The following SP110 variants were observed in gnomAD, a reference collection of about 807,000 sequenced individuals.
The protein encoded by SP110 is interferon-induced protein 41, 30kD.
In SP110, 62 loss-of-function variants were observed where a neutral mutation model predicts 92.7. The observed-to-expected ratio is 0.67, with a 90% CI of 0.55 to 0.83. SP110 has a LOEUF of 0.83. SP110 is among the 40% of genes least tolerant of loss of function. The pLI is 0.00. For synonymous variants in SP110, 273 were observed against 305.3 expected, an observed-to-expected ratio of 0.89 and a Z score of 1.10; for missense variants, 793 against 863.9, an observed-to-expected ratio of 0.92 and a Z score of 1.03.
At chr2:230,183,677 CAT>C (rs1286894785) in intron 11 of SP110, 37 bp from the exon 12 acceptor site, 1 of 1,257,924 alleles carries the variant, frequency 7.9e-7, no homozygotes, top group Admixed American at 1.7e-5. Context: ...TAGCTACAAA[CAT>C]AGATTTATAA....
At chr2:230,198,358 C>T (rs981014765) in intron 10 of SP110, among the ~76,000 whole-genome samples, 2 of 152,110 alleles carry the variant, frequency 1.3e-5, no homozygotes, top group African/African-American at 4.8e-5. Context: ...ATGGAGCTTT[C>T]CAAGTGTCTG....
intron 10 of SP110, among the ~76,000 whole-genome samples, chr2:230,186,455 A>G (rs2042364200): frequency 6.6e-6 from 1 of 152,204 alleles, no homozygotes; most frequent in Admixed American, 6.5e-5. Context: ...CTGCTGAATG[A>G]ATGTTTAATA....
chr2:230,215,135 A>G lies in SP110; in HGVS notation c.148-17T>C, dbSNP rs1240155263. On this transcript the variant is annotated splice_polypyrimidine_tract_variant and intron_variant, in intron 2 of 18. Coordinates refer to ENST00000258381, the MANE Select transcript of SP110 (RefSeq NM_080424.4). ...CAGAGATTCCTATAAAAATGGAGTGAAGGTTTTTATAAATGACTATAAAAT... is the reference window on the plus strand; with the variant it reads ...CAGAGATTCCTATAAAAATGGAGTGGAGGTTTTTATAAATGACTATAAAAT... The G allele has an allele frequency of 1.9e-6, 3 of 1,604,926 alleles. No individual in the cohort carries two copies. The Admixed American group carries it at 5.0e-5, about 27-fold the overall frequency.
chr2:230,188,091 T>C (rs1482903266), intron 10 of SP110, among the ~76,000 whole-genome samples: 1 of 152,212 alleles, frequency 6.6e-6, no homozygotes, highest in Non-Finnish European at 1.5e-5. Flanking sequence ...AGTGTGATCA[T>C]TTTCATATTG....
At chr2:230,171,503 G>C in intron 17 of SP110, 193 bp downstream of exon 17, 1 of 632,620 alleles carries the variant, frequency 1.6e-6, no homozygotes, top group East Asian at 2.8e-5. Flanking sequence ...CCCGTGAGCA[G>C]TGGGGTGGAG....
rs542467646 is a variant in SP110 at position 230,203,182 on chromosome 2, TGA to T, written c.899-456_899-455del. ...GCAAAGTGCAAGGTATTAAAAAAAC[TGA>T]GAGGGAAGGACCCTGCCAAGAAGGC... is the stretch of plus-strand genomic sequence containing the variant. On this transcript the variant is annotated intron_variant, in intron 8 of 18. Coordinates refer to ENST00000258381, the MANE Select transcript of SP110 (RefSeq NM_080424.4). The T allele has an allele frequency of 2.0e-3, 378 of 189,564 alleles. 1 individual carries two copies. Among genetic ancestry groups the T allele is most frequent in the African/African-American group, 8.0e-3 (340 of 42,346 alleles). The allele number at this position is 189,564 out of a possible 1,614,324, so 11.7% of individuals were successfully genotyped here. A position where few individuals can be genotyped will look rare whatever the true frequency, so the allele number is the denominator to read the frequency against.
chr2:230,195,084 G>T (rs1428847194), intron 10 of SP110, among the ~76,000 whole-genome samples: 1 of 151,446 alleles, frequency 6.6e-6, no homozygotes, highest in African/African-American at 2.4e-5. Context: ...TTTGAACTTG[G>T]CCATATTCTT....
chr2:230,221,833 AG>A (rs2045845372), upstream of SP110: 1 of 1,059,966 alleles, frequency 9.4e-7, no homozygotes, highest in Non-Finnish European at 1.4e-6. Context: ...ACAAAAGTAA[AG>A]CAGGAGTGGG....
chr2:230,207,502 C>T (rs1402668434), intron 8 of SP110, among the ~76,000 whole-genome samples: 1 of 152,164 alleles, frequency 6.6e-6, no homozygotes, highest in Non-Finnish European at 1.5e-5. Context: ...GCATAGATGG[C>T]TAGCAGAAAC....
chr2:230,179,493 A>AGGGGGGGGGGGGGG (rs2042028994), intron 12 of SP110, among the ~76,000 whole-genome samples: 2 of 27,240 alleles, frequency 7.3e-5, no homozygotes, highest in Non-Finnish European at 8.2e-5. Flanking sequence ...GGGGGCAGGG[A>AGGGGGGGGGGGGGG]GGAGTGGGGG....
intron 3 of SP110, 94 bp from the exon 4 acceptor site, chr2:230,213,121 G>A (rs2044675864): frequency 2.4e-6 from 3 of 1,230,382 alleles, no homozygotes; most frequent in Admixed American, 1.7e-5. Context: ...AATAGGATGG[G>A]GGCATGGAGC....
chr2:230,204,589 A>G (rs2043550550), intron 8 of SP110, among the ~76,000 whole-genome samples: 1 of 152,108 alleles, frequency 6.6e-6, no homozygotes, highest in Non-Finnish European at 1.5e-5. Flanking sequence ...GGGTTACAGA[A>G]AGTATGGTTT....
intron 10 of SP110, among the ~76,000 whole-genome samples, chr2:230,199,249 C>G (rs1404879143): frequency 7.6e-6 from 1 of 130,814 alleles, no homozygotes; most frequent in Non-Finnish European, 1.6e-5. Flanking sequence ...CACTCTGTCA[C>G]CTAGGCTAGA....
At chr2:230,173,210 G>A (rs2041696006) in intron 14 of SP110, 2 of 463,058 alleles carry the variant, frequency 4.3e-6, no homozygotes, top group African/African-American at 2.0e-5. Context: ...AACAGGTTCT[G>A]CTGCGTTTTG....
At chr2:230,221,920 T>A, upstream of SP110, 1 of 615,158 alleles carries the variant, frequency 1.6e-6, no homozygotes, top group South Asian at 1.9e-5. Context: ...ATGAAAGATG[T>A]TTATTCTAAG....
At chr2:230,216,547 T>C (rs2045198146) in intron 2 of SP110, among the ~76,000 whole-genome samples, 1 of 152,188 alleles carries the variant, frequency 6.6e-6, no homozygotes, top group African/African-American at 2.4e-5. Flanking sequence ...ATTTCTGTTG[T>C]TTTAAGCTAC....
At chr2:230,191,425 A>G (rs1189583461) in intron 10 of SP110, among the ~76,000 whole-genome samples, 1 of 152,184 alleles carries the variant, frequency 6.6e-6, no homozygotes, top group East Asian at 1.9e-4. Context: ...AATCAAATAG[A>G]CAGAATAAAA....
At chr2:230,192,410 T>C (rs909440783) in intron 10 of SP110, among the ~76,000 whole-genome samples, 3 of 151,060 alleles carry the variant, frequency 2.0e-5, no homozygotes, top group African/African-American at 7.4e-5. Flanking sequence ...CAAAAACTTC[T>C]CGAACTGATA....
intron 10 of SP110, among the ~76,000 whole-genome samples, chr2:230,195,784 G>A (rs889887321): frequency 6.6e-6 from 1 of 151,914 alleles, no homozygotes; most frequent in Non-Finnish European, 1.5e-5. Flanking sequence ...ATATACAGAA[G>A]GAGCAGGACT....
Sources: allele counts gnomAD v4.1 joint callset (sites outside exome capture counted in the v4.1 genomes callset), GRCh38; gene constraint gnomAD v4.1.1; transcripts MANE v1.5; gene names NCBI Gene and HGNC (gene_info 2026-07-23, HGNC 2026-07-21).